IGSF21: variants seen among roughly 807,000 people sequenced by gnomAD.
The protein encoded by IGSF21 is immunoglobulin superfamily member 21.
IGSF21 carries 28 observed loss-of-function variants against 46.8 expected under a neutral mutation model. The observed-to-expected ratio is 0.60, with a 90% confidence interval of 0.44 to 0.82. The LOEUF (loss-of-function observed/expected upper bound fraction) is 0.82. Among genes scored for constraint, IGSF21 ranks in the 40% least tolerant of loss-of-function variants. IGSF21 has a pLI of 0.00. For missense variants in IGSF21, 624 were observed against 665.5 expected (o/e 0.94, Z 0.69); for synonymous variants, 284 against 273.6 (o/e 1.04, Z -0.38).
intron 1 of IGSF21, among the ~76,000 whole-genome samples, chr1:18,150,691 C>T (rs149964223): frequency 6.6e-6 from 1 of 152,200 alleles, no homozygotes; most frequent in Non-Finnish European, 1.5e-5. Flanking sequence ...TCCATCTCAG[C>T]ACCTCCCAGG....
chr1:18,365,438 A>G lies in IGSF21; in HGVS notation c.756A>G (p.Pro252=), dbSNP rs897239635. Residue 252 remains proline, a synonymous_variant, in exon 6 of 10, where the codon CCA becomes CCG. Transcript: ENST00000251296. This position sits in a 1 kb window ranked among gnomAD's most constrained non-coding sequence, Gnocchi z 4.8. ...YTERPSRGLT[P]DPNILLQPTT... Reference sequence around the variant, plus strand: ...AGCGCCCCTCCCGTGGCCTGACCCCAGATCCCAACATCCTCCTCCAGCCAA... The same window carrying G: ...AGCGCCCCTCCCGTGGCCTGACCCCGGATCCCAACATCCTCCTCCAGCCAA... The G allele has an allele frequency of 6.2e-7, 1 of 1,613,848 alleles. No homozygotes were observed. The highest frequency in any genetic ancestry group is 8.5e-7 in the Non-Finnish European group (1 of 1,179,962).
intron 5 of IGSF21, among the ~76,000 whole-genome samples, chr1:18,362,827 T>A (rs138072321): frequency 6.6e-6 from 1 of 152,284 alleles, no homozygotes; most frequent in African/African-American, 2.4e-5. Flanking sequence ...TTCACGAGAT[T>A]TTTTATGACC....
At chr1:18,127,966 A>T (rs770133784) in intron 1 of IGSF21, among the ~76,000 whole-genome samples, 5 of 152,122 alleles carry the variant, frequency 3.3e-5, no homozygotes, top group Non-Finnish European at 5.9e-5. Context: ...GACATCCATA[A>T]CTATTTAATT....
At chr1:18,263,780 CT>C (rs1266747337) in intron 2 of IGSF21, among the ~76,000 whole-genome samples, 2 of 152,164 alleles carry the variant, frequency 1.3e-5, no homozygotes, top group African/African-American at 4.8e-5. Context: ...CTCATCCCCC[CT>C]GACTCTCACA....
At chr1:18,162,982 G>A (rs1013985053) in intron 1 of IGSF21, among the ~76,000 whole-genome samples, 1 of 152,174 alleles carries the variant, frequency 6.6e-6, no homozygotes, top group Non-Finnish European at 1.5e-5. Context: ...CACATTGGGG[G>A]TGGTAGACGG....
intron 4 of IGSF21, among the ~76,000 whole-genome samples, chr1:18,350,115 G>A (rs1200602021): frequency 6.6e-6 from 1 of 152,116 alleles, no homozygotes; most frequent in Non-Finnish European, 1.5e-5. Flanking sequence ...GGCTGTCATG[G>A]TCCCTGCTCA....
chr1:18,349,907 A>G (rs1276336903), intron 4 of IGSF21, among the ~76,000 whole-genome samples: 3 of 138,584 alleles, frequency 2.2e-5, no homozygotes, highest in Admixed American at 2.1e-4. Context: ...AAAAAAAACC[A>G]CTAAATTACA....
At position 18,128,000 on chromosome 1, in the gene IGSF21, G is replaced by A. The variant is rs143242647; in HGVS notation, c.70+19802G>A. 2.6e-5 allele frequency among the ~76,000 whole-genome samples: 4 copies of A among 152,242 alleles called. 1 individual carries two copies. Among genetic ancestry groups the A allele is most frequent in the Non-Finnish European group, 4.4e-5 (3 of 68,022 alleles). On this transcript the variant is annotated intron_variant, in intron 1 of 9. Transcript: ENST00000251296. ...TTCACGGTGGGCTCCCTCACTAAAG[G>A]AGAGAGGGCATTTAATCAGGTCTTC... is the stretch of plus-strand genomic sequence containing the variant.
intron 4 of IGSF21, among the ~76,000 whole-genome samples, chr1:18,339,909 C>A (rs1213011340): frequency 1.3e-5 from 2 of 152,180 alleles, no homozygotes; most frequent in African/African-American, 4.8e-5. Flanking sequence ...CCAGCACCTC[C>A]CCCACTTCTC....
intron 2 of IGSF21, among the ~76,000 whole-genome samples, chr1:18,274,692 G>C (rs990508992): frequency 2.6e-5 from 4 of 152,222 alleles, no homozygotes; most frequent in Non-Finnish European, 5.9e-5. Context: ...GTCAGGCCAA[G>C]GAAAGGCCCA....
At position 18,365,677 on chromosome 1, in the gene IGSF21, T is replaced by C; in HGVS notation, c.995T>C (p.Met332Thr). ...EVKHPALSMP[M>T]QAEVTLVAPK... ...AAGCACCCAGCTCTGTCGATGCCCA[T>C]GCAGGCAGAGGTCACGCTGGGTAAG... is the stretch of plus-strand genomic sequence containing the variant. Residue 332 changes from methionine to threonine, a missense_variant, in exon 6 of 10, where the codon ATG becomes ACG. Transcript: ENST00000251296. This position sits in a 1 kb window ranked among gnomAD's most constrained non-coding sequence, Gnocchi z 4.8. The C allele has an allele frequency of 6.2e-7, 1 of 1,613,262 alleles. No individual in the cohort carries two copies. Among genetic ancestry groups the C allele is most frequent in the South Asian group, 1.1e-5 (1 of 90,992 alleles).
chr1:18,230,172 A>T (rs1441344623), intron 2 of IGSF21, among the ~76,000 whole-genome samples: 1 of 152,224 alleles, frequency 6.6e-6, no homozygotes, highest in African/African-American at 2.4e-5. Flanking sequence ...AGCCAGGAGC[A>T]GGTTTCCACA....
intron 1 of IGSF21, among the ~76,000 whole-genome samples, chr1:18,220,851 G>C (rs2084503493): frequency 6.6e-6 from 1 of 152,168 alleles, no homozygotes. Flanking sequence ...GGAGAGCAGA[G>C]GCAGCAGGCC....
intron 1 of IGSF21, among the ~76,000 whole-genome samples, chr1:18,129,015 A>G (rs2086296465): frequency 1.3e-5 from 2 of 152,328 alleles, no homozygotes; most frequent in South Asian, 4.1e-4. Context: ...GGTATTAATT[A>G]GCAGTTATTC....
At chr1:18,245,543 A>G (rs975221766) in intron 2 of IGSF21, among the ~76,000 whole-genome samples, 11 of 152,174 alleles carry the variant, frequency 7.2e-5, no homozygotes, top group African/African-American at 2.7e-4. Flanking sequence ...CATCCTACAA[A>G]TTAGATGAAT....
chr1:18,284,697 C>A (rs1331629690), intron 2 of IGSF21, among the ~76,000 whole-genome samples: 1 of 152,164 alleles, frequency 6.6e-6, no homozygotes, highest in Non-Finnish European at 1.5e-5. Flanking sequence ...CCCTTTCTAG[C>A]CCTCATTGTC....
intron 1 of IGSF21, among the ~76,000 whole-genome samples, chr1:18,163,859 A>G (rs2086652360): frequency 6.6e-6 from 1 of 152,216 alleles, no homozygotes; most frequent in Admixed American, 6.5e-5. Context: ...TTCCAAACCA[A>G]AAGTCAGAGC....
intron 1 of IGSF21, chr1:18,113,026 T>A (rs1398577408): frequency 6.6e-6 from 1 of 152,186 alleles, no homozygotes; most frequent in African/African-American, 2.4e-5. Flanking sequence ...TCTTTTTAAA[T>A]AAAAGGAGGT....
At chr1:18,317,598 G>A (rs2085555757) in intron 3 of IGSF21, among the ~76,000 whole-genome samples, 1 of 152,118 alleles carries the variant, frequency 6.6e-6, no homozygotes, top group African/African-American at 2.4e-5. Context: ...CTTCTCTCTG[G>A]TGCACCCAAT....
Sources: gnomAD v4.1 joint callset for allele counts (sites outside exome capture counted in the v4.1 genomes callset) on GRCh38, gnomAD v4.1.1 for gene constraint, Gnocchi (gnomAD v3.1) non-coding constraint, MANE v1.5 for transcripts, NCBI Gene and HGNC (gene_info 2026-07-23, HGNC 2026-07-21) for gene names.